The following AGXT2 variants were observed in gnomAD, a reference collection of about 807,000 sequenced individuals.
AGXT2 encodes alanine--glyoxylate aminotransferase 2, mitochondrial.
AGXT2 carries 61 observed loss-of-function variants against 62.5 expected under a neutral mutation model. That is an observed-to-expected ratio of 0.98 (90% CI 0.79 to 1.21). The LOEUF is 1.21. Ranked by LOEUF, AGXT2 falls within the 50% of genes most tolerant of loss-of-function variation. The pLI, the probability that AGXT2 is intolerant of heterozygous loss-of-function variation, is 0.00. For missense variants in AGXT2, 666 were observed against 641.5 expected (o/e 1.04, Z -0.41); for synonymous variants, 243 against 218.7 (o/e 1.11, Z -0.98).
At chr5:35,002,171 A>T (rs1349846377) in intron 13 of AGXT2, among the ~76,000 whole-genome samples, 3 of 151,908 alleles carry the variant, frequency 2.0e-5, no homozygotes, top group Non-Finnish European at 4.4e-5. Context: ...AAATTATGTT[A>T]TCTGGTTTGT....
At chr5:35,035,719 C>G (rs186935) in intron 4 of AGXT2, among the ~76,000 whole-genome samples, 1 of 152,120 alleles carries the variant, frequency 6.6e-6, no homozygotes, top group Non-Finnish European at 1.5e-5. Flanking sequence ...AAGACAGGAC[C>G]TCTGACTCTG....
chr5:35,008,726 G>C (rs530698535), intron 12 of AGXT2, among the ~76,000 whole-genome samples: 12 of 152,290 alleles, frequency 7.9e-5, no homozygotes, highest in African/African-American at 2.9e-4. Context: ...CATGTGGTAT[G>C]AATTGAAGAG....
intron 9 of AGXT2, among the ~76,000 whole-genome samples, chr5:35,015,663 A>T (rs749797026): frequency 2.0e-5 from 3 of 151,972 alleles, no homozygotes; most frequent in Non-Finnish European, 2.9e-5. Context: ...CAGCCTGGCC[A>T]ACATGATGAA....
chr5:35,038,591 G>T (rs371896888), intron 3 of AGXT2, among the ~76,000 whole-genome samples: 23 of 152,100 alleles, frequency 1.5e-4, no homozygotes, highest in East Asian at 5.8e-4. Context: ...GCTGCCTGAG[G>T]GGGGGGACTC....
At position 35,037,077 on chromosome 5, in the gene AGXT2, G is replaced by T. The variant is rs200192073; in HGVS notation, c.363-12C>A. On this transcript the variant is annotated splice_polypyrimidine_tract_variant and intron_variant, in intron 3 of 13. Coordinates refer to ENST00000231420, the MANE Select transcript of AGXT2 (RefSeq NM_031900.4). ...CTGCATTCACCTTTCTGGATAAGCAGTACAGCAGAGTTACCTGCACTGCGT... is the reference window on the plus strand; with the variant it reads ...CTGCATTCACCTTTCTGGATAAGCATTACAGCAGAGTTACCTGCACTGCGT... 61 of 1,613,732 alleles carry T rather than the reference G, an allele frequency of 3.8e-5. 1 individual carries two copies. In the East Asian group the frequency reaches 1.3e-3, roughly 34 times the overall value.
intron 13 of AGXT2, among the ~76,000 whole-genome samples, chr5:34,999,383 C>G (rs1339942295): frequency 2.6e-5 from 4 of 152,184 alleles, no homozygotes; most frequent in African/African-American, 7.2e-5. Flanking sequence ...CCTTTCTACC[C>G]AGCTCAGAAC....
chr5:35,047,370 G>C (rs190637534), intron 1 of AGXT2, among the ~76,000 whole-genome samples: 1 of 152,246 alleles, frequency 6.6e-6, no homozygotes, highest in East Asian at 1.9e-4. Flanking sequence ...TTGAGCCTTG[G>C]AGGTCAAGGC....
chr5:35,033,683 C>A (rs868239316), intron 5 of AGXT2, 130 bp from the exon 6 acceptor site: 2 of 720,530 alleles, frequency 2.8e-6, no homozygotes, highest in Admixed American at 2.1e-5. Flanking sequence ...TTTCTAAGAA[C>A]GCATCTAAGC....
intron 12 of AGXT2, among the ~76,000 whole-genome samples, chr5:35,009,077 T>C (rs1183230644): frequency 6.6e-6 from 1 of 152,078 alleles, no homozygotes; most frequent in African/African-American, 2.4e-5. Flanking sequence ...GGCTGAGTAA[T>C]TGGGAGAACG....
In AGXT2 at chr5:35,026,013, A is replaced by T. The variant is rs561797875; in HGVS notation, c.871-158T>A. On this transcript the variant is annotated intron_variant, in intron 8 of 13. Transcript: ENST00000231420. ...AGTTTCCACTGTGGGTGAAAAGAGG[A>T]CTTATTACTCTATACCATGACTTCT... The T allele has an allele frequency of 8.5e-5, 60 of 704,002 alleles. 2 individuals are homozygous for T. In the South Asian group the frequency reaches 9.1e-4, roughly 11 times the overall value. 43.6% of individuals were successfully genotyped at this position (704,002 alleles called of 1,614,324 possible).
At chr5:35,035,177 G>T in intron 5 of AGXT2, 45 bp downstream of exon 5, 1 of 1,460,498 alleles carries the variant, frequency 6.8e-7, no homozygotes, top group Non-Finnish European at 9.6e-7. Context: ...TTAGAATGGG[G>T]GTAAGTCAGT....
chr5:35,010,407 T>C (rs1766588050), intron 11 of AGXT2, among the ~76,000 whole-genome samples: 1 of 152,162 alleles, frequency 6.6e-6, no homozygotes, highest in African/African-American at 2.4e-5. Context: ...AGGCCAGGCA[T>C]GGTGGCTCAC....
rs371896888 is a variant in AGXT2, at chr5:35,038,591, G to C, written c.362+733C>G. Among the ~76,000 whole-genome samples, 111 of 152,216 alleles carry C rather than the reference G, an allele frequency of 7.3e-4. 2 individuals carry two copies. The South Asian group carries it at 0.016, about 22-fold the overall frequency. ...CCTTACCTCCTGACAGCTGCCTGAG[G>C]GGGGGGACTCTTTGCCTCCTGCTTT... is the stretch of plus-strand genomic sequence containing the variant. On this transcript the variant is annotated intron_variant, in intron 3 of 13. Coordinates refer to ENST00000231420, the MANE Select transcript of AGXT2 (RefSeq NM_031900.4).
intron 13 of AGXT2, among the ~76,000 whole-genome samples, chr5:35,000,573 G>T (rs927503002): frequency 2.6e-5 from 4 of 152,064 alleles, no homozygotes; most frequent in Non-Finnish European, 5.9e-5. Context: ...GTAGAGACAG[G>T]GCTTCACTAT....
intron 9 of AGXT2, among the ~76,000 whole-genome samples, chr5:35,020,069 T>A (rs1470236572): frequency 4.6e-5 from 7 of 152,142 alleles, no homozygotes; most frequent in Non-Finnish European, 8.8e-5. Context: ...TCTGAAATTG[T>A]GGCAATAATC....
rs975026918 is a variant in AGXT2, at chr5:34,998,160, A to G, written c.*559T>C. 1 of 160,088 alleles carries G rather than the reference A, an allele frequency of 6.2e-6. No homozygotes were observed. Among genetic ancestry groups the G allele is most frequent in the African/African-American group, 2.4e-5 (1 of 41,502 alleles). The allele number at this position is 160,088 out of a possible 1,614,324, so 9.9% of individuals were successfully genotyped here. ...AGAGGCCCTGAGGTAGGGTGGCTCC[A>G]GGAATGCTTAAGTGAGTGCTTCTTT... On this transcript the variant is annotated 3_prime_UTR_variant, in exon 14 of 14. Transcript: ENST00000231420.
Position 35,004,551 on chromosome 5 carries a change from CTG to C in AGXT2, c.1339-692_1339-691del, listed in dbSNP as rs1477258112. 2.6e-5 allele frequency among the ~76,000 whole-genome samples: 4 copies of C among 152,238 alleles called. No individual in the cohort carries two copies. The East Asian group carries it at 7.7e-4, about 29-fold the overall frequency. On this transcript the variant is annotated intron_variant, in intron 12 of 13. Coordinates refer to ENST00000231420, the MANE Select transcript of AGXT2 (RefSeq NM_031900.4). ...TCTGTGCGTCCCCTGTCTTCCCAGT[CTG>C]TGAGTACAAACGTCTCCCTCTGACT...
In AGXT2 at chr5:34,998,573, G is replaced by A. The variant is rs1766112912; in HGVS notation, c.*146C>T. ...GGGGCTCTGCTAACAAATATGGTTG[G>A]TAGGCAGTCAACCATGACTTTTACA... On this transcript the variant is annotated 3_prime_UTR_variant, in exon 14 of 14. Coordinates refer to ENST00000231420, the MANE Select transcript of AGXT2 (RefSeq NM_031900.4). 2.9e-6 allele frequency: 2 copies of A among 680,452 alleles called. No homozygotes were observed. The highest frequency in any genetic ancestry group is 5.2e-6 in the Non-Finnish European group (2 of 383,464). The allele number at this position is 680,452 out of a possible 1,614,324, so 42.2% of individuals were successfully genotyped here.
Position 35,021,973 on chromosome 5 carries a change from A to T in AGXT2, c.963+3790T>A, listed in dbSNP as rs1382908032. Among the ~76,000 whole-genome samples, 4 of 152,238 alleles carry T rather than the reference A, an allele frequency of 2.6e-5. No homozygotes were observed. The East Asian group carries it at 7.7e-4, about 29-fold the overall frequency. On this transcript the variant is annotated intron_variant, in intron 9 of 13. Transcript: ENST00000231420. ...ATGCAGCCAACAAACACATGAAAAA[A>T]TGCTCATCATCACTGGCCATCAGAG...
Sources: allele counts gnomAD v4.1 joint callset (sites outside exome capture counted in the v4.1 genomes callset), GRCh38; gene constraint gnomAD v4.1.1; transcripts MANE v1.5; gene names NCBI Gene and HGNC (gene_info 2026-07-23, HGNC 2026-07-21).